Variants in NPHP4 observed in about 807,000 individuals in gnomAD.
NPHP4 encodes nephrocystin-4.
In NPHP4, 151 loss-of-function variants were observed where a neutral mutation model predicts 155.8. The ratio of observed to expected loss-of-function variants is 0.97; its 90% CI spans 0.85 to 1.11. The LOEUF is 1.11. Ranked by LOEUF, NPHP4 falls within the 50% of genes least tolerant of loss-of-function variation. The probability of loss-of-function intolerance (pLI) is 0.00; values close to 1 mark genes in which losing one functional copy is unlikely to be tolerated. For missense variants in NPHP4, 1,956 were observed against 1,925.7 expected (o/e 1.02, Z -0.29); for synonymous variants, 845 against 816.8 (o/e 1.03, Z -0.59).
intron 9 of NPHP4, among the ~76,000 whole-genome samples, chr1:5,942,253 C>A (rs1018429533): frequency 1.1e-4 from 17 of 152,120 alleles, no homozygotes; most frequent in Admixed American, 3.9e-4. Context: ...GAGACTAGGC[C>A]ATGCACAGTG....
intron 11 of NPHP4, among the ~76,000 whole-genome samples, chr1:5,912,061 G>A (rs900447009): frequency 2.0e-5 from 3 of 152,182 alleles, no homozygotes; most frequent in Non-Finnish European, 4.4e-5. Flanking sequence ...GCAGACAGAC[G>A]AGCACAAGGC....
chr1:5,968,665 C>A (rs1651975446), intron 4 of NPHP4, among the ~76,000 whole-genome samples: 1 of 151,888 alleles, frequency 6.6e-6, no homozygotes, highest in Admixed American at 6.6e-5. Flanking sequence ...TATGGACACA[C>A]AACTTTAGAT....
chr1:5,872,987 C>T (rs914775755), intron 23 of NPHP4, among the ~76,000 whole-genome samples: 1 of 152,246 alleles, frequency 6.6e-6, no homozygotes, highest in Non-Finnish European at 1.5e-5. Context: ...GGAACTGCGG[C>T]TTCACACCCG....
rs747201751 is a variant in NPHP4 at position 5,905,655 on chromosome 1, A to G, written c.1740T>C (p.Ile580=). 1.9e-6 allele frequency: 3 copies of G among 1,613,874 alleles called. No homozygotes were observed. The highest frequency in any genetic ancestry group is 1.3e-5 in the African/African-American group (1 of 75,030). Reference sequence around the variant, plus strand: ...ACCTCCTGGTCTGGGTTCCCACAACAATAGGGGCATGCAAAGGCGTGAACG... The same window carrying G: ...ACCTCCTGGTCTGGGTTCCCACAACGATAGGGGCATGCAAAGGCGTGAACG... ...ELPFTPLHAP[I]VVGTQTRSSA... is the part of the protein sequence containing the mutation. The change falls in exon 14 of 30, where the codon ATT becomes ATC. Residue 580 remains isoleucine (I), a synonymous_variant. Transcript: ENST00000378156. The surrounding 1 kb of genome is among the most constrained non-coding windows in gnomAD (Gnocchi z 4.0).
rs1656504584 is a variant in NPHP4 at position 5,992,239 on chromosome 1, G to C, written c.-39+5C>G. On this transcript the variant is annotated splice_donor_5th_base_variant and intron_variant, in intron 1 of 29. Coordinates refer to ENST00000378156, the MANE Select transcript of NPHP4 (RefSeq NM_015102.5). ...CATGGTTCCGCCCGCCGCGGGCCGC[G>C]TTACCTAGGAGACCGACCCGCCGCG... The C allele has an allele frequency of 6.6e-6, 1 of 152,072 alleles. No individual in the cohort carries two copies. Among genetic ancestry groups the C allele is most frequent in the Non-Finnish European group, 1.5e-5 (1 of 68,028 alleles). 9.4% of individuals were successfully genotyped at this position (152,072 alleles called of 1,614,324 possible).
chr1:5,942,530 CAAA>C (rs71568632), intron 9 of NPHP4, among the ~76,000 whole-genome samples: 7 of 19,732 alleles, frequency 3.5e-4, no homozygotes, highest in African/African-American at 6.5e-4. Context: ...GACTCCATCT[CAAA>C]AAAAAAAAAA....
chr1:5,929,446 A>T (rs1646170220), intron 10 of NPHP4, among the ~76,000 whole-genome samples: 2 of 152,224 alleles, frequency 1.3e-5, no homozygotes, highest in Non-Finnish European at 2.9e-5. Context: ...TTTTGTAAAC[A>T]TCACTGATTA....
chr1:5,916,578 C>T (rs776069601), intron 11 of NPHP4, among the ~76,000 whole-genome samples: 9 of 152,228 alleles, frequency 5.9e-5, no homozygotes, highest in Non-Finnish European at 1.2e-4. Flanking sequence ...GTAGATTATG[C>T]TGCTACAGCT....
intron 2 of NPHP4, among the ~76,000 whole-genome samples, chr1:5,980,533 G>A (rs1046555947): frequency 6.6e-6 from 1 of 152,214 alleles, no homozygotes; most frequent in Non-Finnish European, 1.5e-5. Flanking sequence ...CGGGATTTAA[G>A]AAAATTCCCG....
At position 5,986,172 on chromosome 1, in the gene NPHP4, C is replaced by G. The variant is rs1245608283; in HGVS notation, c.118G>C (p.Gly40Arg). The part of the protein sequence containing the change: ...AFQCVLKWLD[G>R]PVIRQGVLEV... The stretch of plus-strand genomic sequence containing the variant: ...TTTGTTACCTGCCTAATTACCGGTC[C>G]GTCCAGCCACTTGAGGACACACTGG... The change falls in exon 2 of 30, where the codon GGA becomes CGA. Residue 40 changes from glycine to arginine, a missense_variant. Coordinates refer to ENST00000378156, the MANE Select transcript of NPHP4 (RefSeq NM_015102.5). The G allele has an allele frequency of 6.2e-7, 1 of 1,613,856 alleles. No homozygotes were observed. Among genetic ancestry groups the G allele is most frequent in the Admixed American group, 1.7e-5 (1 of 60,010 alleles).
chr1:5,985,355 G>A (rs1267240066), intron 2 of NPHP4, among the ~76,000 whole-genome samples: 1 of 152,262 alleles, frequency 6.6e-6, no homozygotes, highest in Non-Finnish European at 1.5e-5. Flanking sequence ...CAGCAGCACA[G>A]AAGCACCAGC....
At chr1:5,869,179 A>G (rs1435136129) in intron 23 of NPHP4, among the ~76,000 whole-genome samples, 2 of 136,936 alleles carry the variant, frequency 1.5e-5, no homozygotes, top group African/African-American at 2.7e-5. Context: ...CATGCACACA[A>G]TGCACACATA....
At position 5,866,391 on chromosome 1, in the gene NPHP4, A is replaced by G; in HGVS notation, c.3626T>C (p.Phe1209Ser). 2 of 1,608,118 alleles carry G rather than the reference A, an allele frequency of 1.2e-6. No homozygotes were observed. The highest frequency in any genetic ancestry group is 1.7e-6 in the Non-Finnish European group (2 of 1,176,502). The change falls in exon 26 of 30, where the codon TTC (phenylalanine) becomes TCC (serine). Residue 1209 changes from phenylalanine (F) to serine (S), a missense_variant. Phe to Ser is a radical substitution (Grantham distance 155). Coordinates refer to ENST00000378156, the MANE Select transcript of NPHP4 (RefSeq NM_015102.5). ...ASGPSPEIKDFFVIIYSDRWL... is the reference protein window; with the variant it reads ...ASGPSPEIKDSFVIIYSDRWL... ...CACTTACGAGTAAATGATGACAAAGAAGTCTTTGATCTCCGGGCTTGGACC... is the reference window on the plus strand; with the variant it reads ...CACTTACGAGTAAATGATGACAAAGGAGTCTTTGATCTCCGGGCTTGGACC...
intron 2 of NPHP4, among the ~76,000 whole-genome samples, chr1:5,983,980 C>T (rs751982565): frequency 4.6e-5 from 7 of 151,980 alleles, no homozygotes; most frequent in South Asian, 4.1e-4. Flanking sequence ...TTTTAACATA[C>T]GACTTTGGAT....
chr1:5,987,733 T>G (rs551393065), intron 1 of NPHP4, among the ~76,000 whole-genome samples: 1 of 152,344 alleles, frequency 6.6e-6, no homozygotes, highest in South Asian at 2.1e-4. Context: ...CGGGGAAGCC[T>G]GGCTGTGACT....
Position 5,947,179 on chromosome 1 carries a change from CA to C in NPHP4, c.1043del (p.Met348ArgfsTer58). On this transcript the variant is annotated frameshift_variant, in exon 9 of 30. Coordinates refer to ENST00000378156, the MANE Select transcript of NPHP4 (RefSeq NM_015102.5). LOFTEE classifies it high-confidence loss of function. ...TGACCGCAAATGCAGGGTGGCCGAC[CA>C]TCTCTGGGAGGCGGAGGCGGCTTCT... Reference protein sequence around the residue: ...VLRSRLRLPEMVGHPAFAVIF... With the variant: ...VLRSRLRLPEXVGHPAFAVIF... 1 of 1,613,936 alleles carries C rather than the reference CA, an allele frequency of 6.2e-7. No individual in the cohort carries two copies. Among genetic ancestry groups the C allele is most frequent in the Non-Finnish European group, 8.5e-7 (1 of 1,179,882 alleles).
chr1:5,919,745 G>GA (rs1265787044), intron 11 of NPHP4, among the ~76,000 whole-genome samples: 1 of 144,482 alleles, frequency 6.9e-6, no homozygotes, highest in African/African-American at 2.5e-5. Context: ...GGTTTTTTTT[G>GA]TTTTTTTTTT....
chr1:5,927,563 G>A (rs562398102), intron 11 of NPHP4, 86 bp downstream of exon 11: 30 of 1,380,758 alleles, frequency 2.2e-5, no homozygotes, highest in African/African-American at 7.1e-5. Context: ...GGTGATTACC[G>A]TACTAGACTA....
rs570112915 is a variant in NPHP4, at chr1:5,958,505, G to A, written c.673+3289C>T. On this transcript the variant is annotated intron_variant, in intron 6 of 29. Transcript: ENST00000378156. ...AGGTCAGGAGTTCGAGACCTGCCTG[G>A]CCAACGTGGTGAAACCCCGTCTCAA... Among the ~76,000 whole-genome samples, 35 of 152,264 alleles carry A rather than the reference G, an allele frequency of 2.3e-4. No homozygotes were observed. The South Asian group carries it at 7.3e-3, about 32-fold the overall frequency.
Sources: allele counts gnomAD v4.1 joint callset (sites outside exome capture counted in the v4.1 genomes callset), GRCh38; gene constraint gnomAD v4.1.1; non-coding constraint Gnocchi (gnomAD v3.1); transcripts MANE v1.5; gene names NCBI Gene and HGNC (gene_info 2026-07-23, HGNC 2026-07-21).